Variants in ZNF578 observed in about 807,000 individuals in gnomAD.
ZNF578 encodes the protein zinc finger protein 578.
ZNF578 carries 8 observed loss-of-function variants against 8.3 expected under a neutral mutation model. The ratio of observed to expected loss-of-function variants is 0.96; its 90% CI spans 0.56 to 1.74. The LOEUF is 1.74. Among genes scored for constraint, ZNF578 ranks in the 40% most tolerant of loss-of-function variants. ZNF578 has a pLI of 0.00. For missense variants in ZNF578, 726 were observed against 707.5 expected, an observed-to-expected ratio of 1.03 and a Z score of -0.30; for synonymous variants, 206 against 232.2, an observed-to-expected ratio of 0.89 and a Z score of 1.03.
intron 3 of ZNF578, 81 bp downstream of exon 3, chr19:52,491,506 T>G (rs1431607252): frequency 6.6e-6 from 1 of 152,382 alleles, no homozygotes; most frequent in Non-Finnish European, 1.5e-5. Context: ...AAAGAGATTT[T>G]CTTTCCTTTC....
intron 2 of ZNF578, chr19:52,458,468 T>TTATATATATATATATATATA (rs6146551): frequency 0.011 from 1,395 of 121,668 alleles, 57 homozygotes; most frequent in African/African-American, 0.025. Flanking sequence ...GCTACTATGT[T>TTATATATATATATATATATA]TATATATATA....
chr19:52,490,219 C>T (rs1006863361), intron 2 of ZNF578, among the ~76,000 whole-genome samples: 2 of 152,130 alleles, frequency 1.3e-5, no homozygotes, highest in African/African-American at 4.8e-5. Flanking sequence ...TAAAATTGCT[C>T]TATTGCCTGG....
At position 52,516,097 on chromosome 19, in the gene ZNF578, T is replaced by C. The variant is rs556820375; in HGVS notation, c.*3943T>C. On this transcript the variant is annotated 3_prime_UTR_variant, in exon 6 of 6. Transcript: ENST00000421239. The stretch of plus-strand genomic sequence containing the variant: ...ATTTGCTTTTCTCTTTTCCCAAACA[T>C]CAAAACCCTTCCTGTCTCAGGTCAT... Among the ~76,000 whole-genome samples, 5 of 150,834 alleles carry C rather than the reference T, an allele frequency of 3.3e-5. No homozygotes were observed. In the South Asian group the frequency reaches 1.1e-3, roughly 32 times the overall value.
At chr19:52,467,515 C>T (rs867936549) in intron 2 of ZNF578, among the ~76,000 whole-genome samples, 10 of 151,922 alleles carry the variant, frequency 6.6e-5, no homozygotes, top group Admixed American at 5.2e-4. Flanking sequence ...GCTTGGGAGG[C>T]GGAGGTGGGA....
chr19:52,505,675 C>T (rs10582148), intron 5 of ZNF578, among the ~76,000 whole-genome samples: 27,847 of 151,572 alleles, frequency 0.18, 3,173 homozygotes, highest in East Asian at 0.48. Flanking sequence ...CCACTCTCCT[C>T]GACCTCCCAA....
chr19:52,462,316 G>C (rs79784184), intron 2 of ZNF578, among the ~76,000 whole-genome samples: 1 of 152,116 alleles, frequency 6.6e-6, no homozygotes, highest in Admixed American at 6.5e-5. Context: ...ACCGATAGCT[G>C]GCCCTATGTA....
intron 2 of ZNF578, among the ~76,000 whole-genome samples, 178 bp from the exon 3 acceptor site, chr19:52,491,146 G>T (rs1481872706): frequency 1.3e-5 from 2 of 152,104 alleles, no homozygotes; most frequent in East Asian, 3.9e-4. Flanking sequence ...TGATTTGAAG[G>T]ACATGTAATC....
Position 52,495,681 on chromosome 19 carries a change from T to C in ZNF578, c.-20+4256T>C, listed in dbSNP as rs377045160. On this transcript the variant is annotated intron_variant, in intron 3 of 5. Transcript: ENST00000421239. ...GACACGTTGTTTTCTCTGTTTATAATGTAACAAATTTAAAATTAGTTTAAA... is the reference window on the plus strand; with the variant it reads ...GACACGTTGTTTTCTCTGTTTATAACGTAACAAATTTAAAATTAGTTTAAA... Among the ~76,000 whole-genome samples, 3 of 146,928 alleles carry C rather than the reference T, an allele frequency of 2.0e-5. No individual in the cohort carries two copies. The South Asian group carries it at 6.6e-4, about 32-fold the overall frequency.
Position 52,482,961 on chromosome 19 carries a change from AT to A in ZNF578, c.-121-8362del, listed in dbSNP as rs370447606. ...GTCTCCCAAAAAAAAAAAAAAAAAA[AT>A]AGCCAAGGATGGTGGCATGCATCTG... On this transcript the variant is annotated intron_variant, in intron 2 of 5. Coordinates refer to ENST00000421239, the MANE Select transcript of ZNF578 (RefSeq NM_001099694.2). Among the ~76,000 whole-genome samples, 192 of 150,204 alleles carry A rather than the reference AT, an allele frequency of 1.3e-3. 2 individuals carry two copies. The highest frequency in any genetic ancestry group is 4.0e-3 in the African/African-American group (161 of 40,668).
intron 2 of ZNF578, among the ~76,000 whole-genome samples, chr19:52,469,589 C>T (rs996720993): frequency 2.0e-5 from 3 of 152,106 alleles, no homozygotes; most frequent in Non-Finnish European, 2.9e-5. Context: ...CACTGATAGT[C>T]CTTGGTATGC....
intron 3 of ZNF578, among the ~76,000 whole-genome samples, chr19:52,497,395 T>G (rs1402692354): frequency 6.6e-6 from 1 of 152,156 alleles, no homozygotes; most frequent in Non-Finnish European, 1.5e-5. Context: ...AATTTTAGTA[T>G]TTTTGGTAGA....
intron 3 of ZNF578, among the ~76,000 whole-genome samples, chr19:52,492,279 T>C (rs886355652): frequency 1.3e-5 from 2 of 151,838 alleles, no homozygotes; most frequent in South Asian, 2.1e-4. Context: ...AGCGATTCTC[T>C]GGCCGCTGCT....
At position 52,467,434 on chromosome 19, in the gene ZNF578, A is replaced by C. The variant is rs542206930; in HGVS notation, c.-122+10476A>C. 8.5e-5 allele frequency among the ~76,000 whole-genome samples: 13 copies of C among 152,188 alleles called. No individual in the cohort carries two copies. The South Asian group carries it at 2.7e-3, about 32-fold the overall frequency. ...CAACAAGAGCAAAGCACTATCTCAA[A>C]AAAAATAAAATAAAATAAAATAAAT... On this transcript the variant is annotated intron_variant, in intron 2 of 5. Transcript: ENST00000421239.
intron 2 of ZNF578, among the ~76,000 whole-genome samples, chr19:52,479,527 A>T (rs1318980828): frequency 7.4e-6 from 1 of 135,574 alleles, no homozygotes; most frequent in African/African-American, 2.8e-5. Context: ...TGGGAGACAG[A>T]GCGAGACTCC....
chr19:52,501,707 G>A lies in ZNF578; in HGVS notation c.-19-120G>A, dbSNP rs756370583. 16 of 931,512 alleles carry A rather than the reference G, an allele frequency of 1.7e-5. No homozygotes were observed. In the Admixed American group the frequency reaches 3.1e-4, roughly 18 times the overall value. The allele number at this position is 931,512 out of a possible 1,614,324, so 57.7% of individuals were successfully genotyped here. On this transcript the variant is annotated intron_variant, in intron 3 of 5. Coordinates refer to ENST00000421239, the MANE Select transcript of ZNF578 (RefSeq NM_001099694.2). ...TTCTTATGTCTGCATGATCTCTGGT[G>A]CAGTGGGCAGTGGGGGGGGCTTCTT...
At chr19:52,478,907 C>T (rs2059316308) in intron 2 of ZNF578, among the ~76,000 whole-genome samples, 6 of 151,668 alleles carry the variant, frequency 4.0e-5, no homozygotes, top group Admixed American at 3.9e-4. Context: ...AGAGACAGGG[C>T]TTCACCATAT....
intron 2 of ZNF578, chr19:52,473,286 TA>T: frequency 6.4e-6 from 1 of 157,004 alleles, no homozygotes; most frequent in Middle Eastern, 9.4e-4. Flanking sequence ...GATTTGTGAC[TA>T]AAGACCTTAC....
chr19:52,501,986 A>G (rs2059409606), intron 4 of ZNF578, 78 bp downstream of exon 4: 3 of 1,547,654 alleles, frequency 1.9e-6, no homozygotes, highest in Admixed American at 2.0e-5. Flanking sequence ...TATTGTAGTA[A>G]TGTATTGTAA....
At chr19:52,456,068 T>G (rs534761675) in intron 1 of ZNF578, 46 of 152,350 alleles carry the variant, frequency 3.0e-4, no homozygotes, top group African/African-American at 1.1e-3. Flanking sequence ...CTAGGACTCT[T>G]TAGCCCCTCA....
Sources: allele counts gnomAD v4.1 joint callset (sites outside exome capture counted in the v4.1 genomes callset), GRCh38; gene constraint gnomAD v4.1.1; transcripts MANE v1.5; gene names NCBI Gene and HGNC (gene_info 2026-07-23, HGNC 2026-07-21).